EXO1: variants seen among roughly 807,000 people sequenced by gnomAD.
EXO1 encodes exonuclease 1.
In EXO1, 69 loss-of-function variants were observed where a neutral mutation model predicts 84.5. That is an observed-to-expected ratio of 0.82 (90% CI 0.67 to 1.00). EXO1 has a LOEUF of 1.00. Among genes scored for constraint, EXO1 ranks in the 50% least tolerant of loss-of-function variants. The pLI is 0.00. For missense variants in EXO1, 1,045 were observed against 1,000.7 expected (o/e 1.04, Z -0.60); for synonymous variants, 373 against 366.1 (o/e 1.02, Z -0.21).
intron 15 of EXO1, among the ~76,000 whole-genome samples, chr1:241,886,873 A>G (rs561306829): frequency 2.6e-5 from 4 of 152,246 alleles, no homozygotes; most frequent in African/African-American, 9.6e-5. Context: ...TTTACTATCT[A>G]GTTTGCAAAT....
chr1:241,878,783 T>G lies in EXO1; in HGVS notation c.1549T>G (p.Ser517Ala). The G allele has an allele frequency of 1.2e-6, 2 of 1,613,756 alleles. No individual in the cohort carries two copies. The highest frequency in any genetic ancestry group is 1.7e-6 in the Non-Finnish European group (2 of 1,179,804). ...CAGTTCAGATTCTACTGACTGTGTA[T>G]CAAACAAAGTGAGCATCCAGCCTCT... is the stretch of plus-strand genomic sequence containing the variant. ...FCSSDSTDCVSNKVSIQPLDE... is the reference protein window; with the variant it reads ...FCSSDSTDCVANKVSIQPLDE... The change falls in exon 13 of 16, where the codon TCA (serine) becomes GCA (alanine). Residue 517 changes from serine (S) to alanine (A), a missense_variant. Coordinates refer to ENST00000366548, the MANE Select transcript of EXO1 (RefSeq NM_130398.4).
chr1:241,887,672 T>C (rs1179231371), intron 15 of EXO1, among the ~76,000 whole-genome samples: 2 of 152,188 alleles, frequency 1.3e-5, no homozygotes, highest in Admixed American at 1.3e-4. Flanking sequence ...AGAGTCTCTC[T>C]TTGTCACCCA....
At chr1:241,855,086 G>A (rs1243620814) in intron 6 of EXO1, among the ~76,000 whole-genome samples, 10 of 152,166 alleles carry the variant, frequency 6.6e-5, no homozygotes, top group Non-Finnish European at 1.5e-4. Flanking sequence ...TGCAAAGAGC[G>A]AAAGAACAAA....
chr1:241,850,836 CTTTT>C (rs10641736), intron 4 of EXO1, among the ~76,000 whole-genome samples: 3,226 of 105,016 alleles, frequency 0.031, 130 homozygotes, highest in African/African-American at 0.11. Flanking sequence ...CTCCTTTATT[CTTTT>C]TTTTTTTTTT....
intron 10 of EXO1, among the ~76,000 whole-genome samples, chr1:241,865,528 T>G (rs1661664292): frequency 6.6e-6 from 1 of 152,134 alleles, no homozygotes; most frequent in Non-Finnish European, 1.5e-5. Flanking sequence ...TCATTAAGAA[T>G]GATTCTTAAG....
Position 241,858,602 on chromosome 1 carries a change from A to G in EXO1, c.640A>G (p.Lys214Glu), listed in dbSNP as rs1661198270. The G allele has an allele frequency of 1.2e-6, 2 of 1,613,854 alleles. No individual in the cohort carries two copies. Among genetic ancestry groups the G allele is most frequent in the African/African-American group, 1.3e-5 (1 of 74,886 alleles). Residue 214 changes from lysine (K) to glutamate (E), a missense_variant, in exon 8 of 16, where the codon AAG becomes GAG. Transcript: ENST00000366548. ...GCTTGGGGATGTATTCACGGAAGAG[A>G]AGTTTCGTTACATGTGTATTCTTTC... Reference protein sequence around the residue: ...RQLGDVFTEEKFRYMCILSGC... With the variant: ...RQLGDVFTEEEFRYMCILSGC...
chr1:241,868,439 T>C (rs1191682416), intron 11 of EXO1, among the ~76,000 whole-genome samples: 1 of 151,670 alleles, frequency 6.6e-6, no homozygotes, highest in East Asian at 1.9e-4. Flanking sequence ...AAGCTGCAGC[T>C]TCTCTGCTCA....
At chr1:241,885,851 G>GTTT (rs953418298) in intron 15 of EXO1, among the ~76,000 whole-genome samples, 1 of 99,820 alleles carries the variant, frequency 1.0e-5, no homozygotes. Context: ...TTTGTTTTTT[G>GTTT]TTTTTTGTTT....
At chr1:241,850,247 T>C (rs1660583452) in intron 3 of EXO1, among the ~76,000 whole-genome samples, 162 bp from the exon 4 acceptor site, 1 of 148,340 alleles carries the variant, frequency 6.7e-6, no homozygotes, top group Non-Finnish European at 1.5e-5. Context: ...GCCACTGCAG[T>C]CCCTCCTGGG....
intron 15 of EXO1, among the ~76,000 whole-genome samples, chr1:241,888,265 A>T (rs953680793): frequency 2.0e-5 from 3 of 152,134 alleles, no homozygotes; most frequent in African/African-American, 7.2e-5. Context: ...AAAAAATGTA[A>T]AGTATACCAA....
chr1:241,879,816 C>A (rs1662646393), intron 13 of EXO1, among the ~76,000 whole-genome samples: 1 of 151,982 alleles, frequency 6.6e-6, no homozygotes, highest in Non-Finnish European at 1.5e-5. Flanking sequence ...ACCAGCCTGG[C>A]CAGCATGGTG....
At chr1:241,875,213 A>C (rs1662323455) in intron 12 of EXO1, among the ~76,000 whole-genome samples, 1 of 151,848 alleles carries the variant, frequency 6.6e-6, no homozygotes, top group Non-Finnish European at 1.5e-5. Context: ...CATTTTGGCC[A>C]GGCTGGTGTC....
intron 6 of EXO1, among the ~76,000 whole-genome samples, chr1:241,855,124 G>A (rs546130715): frequency 2.0e-5 from 3 of 152,190 alleles, no homozygotes; most frequent in East Asian, 3.8e-4. Context: ...GGGGACCTAA[G>A]TGGGTTGCCA....
chr1:241,851,979 G>C (rs940107112), intron 4 of EXO1, among the ~76,000 whole-genome samples: 3 of 152,100 alleles, frequency 2.0e-5, no homozygotes, highest in Non-Finnish European at 4.4e-5. Flanking sequence ...CATAAAATGG[G>C]GGGGAAAGAC....
chr1:241,879,385 A>G lies in EXO1; in HGVS notation c.2109+42A>G, dbSNP rs773089473. On this transcript the variant is annotated intron_variant, in intron 13 of 15. Transcript: ENST00000366548. ...AGGCTTTGTTTTCAAATTTATATGT[A>G]AGAAAAAATAGATTGTTGCTCAAAC... The G allele has an allele frequency of 1.8e-5, 22 of 1,253,840 alleles. No individual in the cohort carries two copies. In the African/African-American group the frequency reaches 2.1e-4, roughly 12 times the overall value. The allele number at this position is 1,253,840 out of a possible 1,614,324, so 77.7% of individuals were successfully genotyped here. A position where few individuals can be genotyped will look rare whatever the true frequency, so the allele number is the denominator to read the frequency against.
intron 6 of EXO1, among the ~76,000 whole-genome samples, chr1:241,855,677 G>T (rs2995540): frequency 2.6e-5 from 4 of 152,052 alleles, no homozygotes; most frequent in African/African-American, 4.8e-5. Flanking sequence ...GCCCACGGAG[G>T]GGGTGGGAGG....
Position 241,853,411 on chromosome 1 carries a change from T to A in EXO1, c.335T>A (p.Val112Asp). ...AAGCAACTTCTTCGTGAGGGGAAAG[T>A]CTCGGAAGCTCGAGAGTGTTTCACC... is the stretch of plus-strand genomic sequence containing the variant. ...KGKQLLREGK[V>D]SEARECFTRS... Residue 112 changes from valine (V) to aspartate (D), a missense_variant, in exon 6 of 16, where the codon GTC (valine) becomes GAC (aspartate). By Grantham distance (152) the Val-to-Asp change is radical. Transcript: ENST00000366548. 1.2e-6 allele frequency: 2 copies of A among 1,613,952 alleles called. No individual in the cohort carries two copies. The highest frequency in any genetic ancestry group is 1.7e-6 in the Non-Finnish European group (2 of 1,179,876).
At position 241,857,297 on chromosome 1, in the gene EXO1, T is replaced by C. The variant is rs145375932; in HGVS notation, c.406-48T>C. On this transcript the variant is annotated intron_variant, in intron 6 of 15. Coordinates refer to ENST00000366548, the MANE Select transcript of EXO1 (RefSeq NM_130398.4). ...GGGTTTGAAACAGGAAGTTGTTTAG[T>C]ACTTTCCAGATGCCGTGCTAGAGAT... 273 of 1,605,278 alleles carry C rather than the reference T, an allele frequency of 1.7e-4. No individual in the cohort carries two copies. In the African/African-American group the frequency reaches 3.4e-3, roughly 20 times the overall value.
rs377500836 is a variant in EXO1, at chr1:241,885,594, C to T, written c.2405+87C>T. On this transcript the variant is annotated intron_variant, in intron 15 of 15. Coordinates refer to ENST00000366548, the MANE Select transcript of EXO1 (RefSeq NM_130398.4). Reference sequence around the variant, plus strand: ...CCTTTCTCCCAACTCTTCCTAGTTTCGTATGAGTTTTTGTTTCTCTCACTA... The same window carrying T: ...CCTTTCTCCCAACTCTTCCTAGTTTTGTATGAGTTTTTGTTTCTCTCACTA... 279 of 1,024,672 alleles carry T rather than the reference C, an allele frequency of 2.7e-4. 5 individuals are homozygous for T. The highest frequency in any genetic ancestry group is 1.1e-3 in the Admixed American group (67 of 58,958). The allele number at this position is 1,024,672 out of a possible 1,614,324, so 63.5% of individuals were successfully genotyped here. A position where few individuals can be genotyped will look rare whatever the true frequency, so the allele number is the denominator to read the frequency against.
Sources: allele counts gnomAD v4.1 joint callset (sites outside exome capture counted in the v4.1 genomes callset), GRCh38; gene constraint gnomAD v4.1.1; transcripts MANE v1.5; gene names NCBI Gene and HGNC (gene_info 2026-07-23, HGNC 2026-07-21).